Variants in RABGAP1L observed in about 807,000 individuals in gnomAD.
RABGAP1L encodes rab GTPase-activating protein 1-like.
RABGAP1L carries 63 observed loss-of-function variants against 137.7 expected under a neutral mutation model. The observed-to-expected ratio is 0.46, with a 90% confidence interval of 0.37 to 0.56. The LOEUF (loss-of-function observed/expected upper bound fraction) is 0.56, where lower values mean the gene tolerates loss of function less well. Among genes scored for constraint, RABGAP1L ranks in the 20% least tolerant of loss-of-function variants. The pLI is 0.00. For missense variants in RABGAP1L, 1,095 were observed against 1,244.0 expected (o/e 0.88, Z 1.80); for synonymous variants, 431 against 433.7 (o/e 0.99, Z 0.08).
chr1:174,268,116 A>C (rs1247867340), intron 7 of RABGAP1L, among the ~76,000 whole-genome samples: 1 of 152,166 alleles, frequency 6.6e-6, no homozygotes, highest in African/African-American at 2.4e-5. Context: ...AGTGTTTTGC[A>C]TAAAGTTTTG....
chr1:174,730,206 A>C (rs1474150041), intron 17 of RABGAP1L, among the ~76,000 whole-genome samples: 1 of 152,210 alleles, frequency 6.6e-6, no homozygotes, highest in Non-Finnish European at 1.5e-5. Flanking sequence ...ACGAGAACAG[A>C]AAGCCCAATG....
At position 174,991,357 on chromosome 1, in the gene RABGAP1L, A is replaced by G. The variant is rs1385178733; in HGVS notation, c.*1356A>G. 2.0e-5 allele frequency: 3 copies of G among 152,236 alleles called. No homozygotes were observed. Among genetic ancestry groups the G allele is most frequent in the Non-Finnish European group, 4.4e-5 (3 of 68,040 alleles). The allele number at this position is 152,236 out of a possible 1,614,324, so 9.4% of individuals were successfully genotyped here. A position where few individuals can be genotyped will look rare whatever the true frequency, so the allele number is the denominator to read the frequency against. Reference sequence around the variant, plus strand: ...TTTGTTGATATTAATCATTGGCCTCATTGTTGAACATATTATTTGCAAAGA... The same window carrying G: ...TTTGTTGATATTAATCATTGGCCTCGTTGTTGAACATATTATTTGCAAAGA... On this transcript the variant is annotated 3_prime_UTR_variant, in exon 26 of 26. Transcript: ENST00000681986.
Position 174,634,959 on chromosome 1 carries a change from A to G in RABGAP1L, c.1711-2416A>G, listed in dbSNP as rs529955570. 2.0e-5 allele frequency among the ~76,000 whole-genome samples: 3 copies of G among 149,472 alleles called. No individual in the cohort carries two copies. The East Asian group carries it at 5.9e-4, about 29-fold the overall frequency. ...GATGACGAGTTAGTGGGTGCAGCGC[A>G]CCAGCATGGCACATGTATACATATG... On this transcript the variant is annotated intron_variant, in intron 13 of 25. Transcript: ENST00000681986.
intron 17 of RABGAP1L, among the ~76,000 whole-genome samples, chr1:174,731,215 AC>A (rs1268607770): frequency 1.3e-5 from 2 of 151,930 alleles, no homozygotes; most frequent in Non-Finnish European, 2.9e-5. Context: ...CAAGAGATCT[AC>A]CCGCCTCGGC....
intron 12 of RABGAP1L, among the ~76,000 whole-genome samples, chr1:174,392,022 T>C (rs1001160267): frequency 6.6e-6 from 1 of 152,216 alleles, no homozygotes; most frequent in African/African-American, 2.4e-5. Context: ...TCAAATAGTT[T>C]ATTCAGGTGG....
chr1:174,420,723 G>A (rs1257895915), intron 13 of RABGAP1L, among the ~76,000 whole-genome samples: 2 of 145,694 alleles, frequency 1.4e-5, no homozygotes, highest in Non-Finnish European at 3.0e-5. Context: ...CACCCAGGCT[G>A]GAGTGCAGTG....
At chr1:174,800,601 C>T (rs972755789) in intron 18 of RABGAP1L, 2 of 1,459,172 alleles carry the variant, frequency 1.4e-6, no homozygotes, top group African/African-American at 1.4e-5. Context: ...TGGTTTTCTT[C>T]TCCTTCTCCC....
At chr1:174,670,023 A>G (rs934512849) in intron 14 of RABGAP1L, among the ~76,000 whole-genome samples, 1 of 152,034 alleles carries the variant, frequency 6.6e-6, no homozygotes, top group African/African-American at 2.4e-5. Flanking sequence ...AAATAATGTC[A>G]TTGGTATTTT....
intron 1 of RABGAP1L, among the ~76,000 whole-genome samples, chr1:174,183,712 T>G (rs939401552): frequency 1.3e-5 from 2 of 152,158 alleles, no homozygotes; most frequent in Admixed American, 6.6e-5. Flanking sequence ...TGTCCACCAT[T>G]ATTAGTATCA....
chr1:174,789,695 G>A lies in RABGAP1L; in HGVS notation c.2212-22137G>A, dbSNP rs541646055. 3.3e-4 allele frequency among the ~76,000 whole-genome samples: 50 copies of A among 152,296 alleles called. No individual in the cohort carries two copies. In the South Asian group the frequency reaches 9.5e-3, roughly 29 times the overall value. On this transcript the variant is annotated intron_variant, in intron 18 of 25. Coordinates refer to ENST00000681986, the MANE Select transcript of RABGAP1L (RefSeq NM_001366446.1). ...TCTGTAAATGTGTCAAGGGGTCACT[G>A]TGGTTGACTCTTGGTTGCTAAAGGA...
rs756686891 is a variant in RABGAP1L, at chr1:174,448,759, C to T, written c.1710+54614C>T. 4 of 1,613,746 alleles carry T rather than the reference C, an allele frequency of 2.5e-6. No individual in the cohort carries two copies. Among genetic ancestry groups the T allele is most frequent in the African/African-American group, 2.7e-5 (2 of 74,894 alleles). ...TTTGTTTACTTTATGCTCCTGCTGC[C>T]TTTGTTGTCTGCTTCACTTACTTCC... On this transcript the variant is annotated intron_variant, in intron 13 of 25. Coordinates refer to ENST00000681986, the MANE Select transcript of RABGAP1L (RefSeq NM_001366446.1). The surrounding 1 kb of genome is among the most constrained non-coding windows in gnomAD (Gnocchi z 4.2).
intron 12 of RABGAP1L, among the ~76,000 whole-genome samples, chr1:174,383,569 C>G (rs1259275849): frequency 6.6e-6 from 1 of 152,194 alleles, no homozygotes; most frequent in Non-Finnish European, 1.5e-5. Flanking sequence ...GCGTCCGTCA[C>G]CGCTTTCTTT....
chr1:174,713,160 T>G (rs1195166276), intron 17 of RABGAP1L, among the ~76,000 whole-genome samples: 1 of 152,206 alleles, frequency 6.6e-6, no homozygotes, highest in Non-Finnish European at 1.5e-5. Context: ...CTTCTAGAAG[T>G]AAAACAATGT....
Position 174,228,101 on chromosome 1 carries a change from C to A in RABGAP1L, c.332-3044C>A, listed in dbSNP as rs180978929. 1.1e-4 allele frequency among the ~76,000 whole-genome samples: 16 copies of A among 151,906 alleles called. No individual in the cohort carries two copies. The East Asian group carries it at 2.9e-3, about 28-fold the overall frequency. Reference sequence around the variant, plus strand: ...TCTTTTGGTTCTTTTTTATGTCTTTCATTTTTCTTCTTATTTTGTTAGATG... The same window carrying A: ...TCTTTTGGTTCTTTTTTATGTCTTTAATTTTTCTTCTTATTTTGTTAGATG... On this transcript the variant is annotated intron_variant, in intron 3 of 25. Coordinates refer to ENST00000681986, the MANE Select transcript of RABGAP1L (RefSeq NM_001366446.1).
At chr1:174,516,241 G>A (rs1662835561) in intron 13 of RABGAP1L, among the ~76,000 whole-genome samples, 1 of 151,384 alleles carries the variant, frequency 6.6e-6, no homozygotes, top group South Asian at 2.1e-4. Context: ...CTGCGGCCTC[G>A]ACCTCCTGGG....
At chr1:174,526,585 T>C (rs968243029) in intron 13 of RABGAP1L, among the ~76,000 whole-genome samples, 10 of 152,162 alleles carry the variant, frequency 6.6e-5, no homozygotes, top group African/African-American at 2.4e-4. Context: ...TCTAGGAATT[T>C]ATCCATTTTC....
chr1:174,483,470 A>G (rs1659324688), intron 13 of RABGAP1L, among the ~76,000 whole-genome samples: 1 of 152,260 alleles, frequency 6.6e-6, no homozygotes, highest in Non-Finnish European at 1.5e-5. Flanking sequence ...ACAGTATCTC[A>G]TTATTTTTTA....
At chr1:174,973,747 A>T (rs916814295) in intron 21 of RABGAP1L, among the ~76,000 whole-genome samples, 5 of 152,098 alleles carry the variant, frequency 3.3e-5, no homozygotes, top group Admixed American at 2.6e-4. Context: ...CAAGAGACCA[A>T]ACTGAAAAAA....
intron 11 of RABGAP1L, among the ~76,000 whole-genome samples, chr1:174,315,678 T>G (rs1679313209): frequency 6.6e-6 from 1 of 151,976 alleles, no homozygotes; most frequent in Non-Finnish European, 1.5e-5. Flanking sequence ...GTAGGATCTT[T>G]TCTTTATCCT....
Sources: allele counts gnomAD v4.1 joint callset (sites outside exome capture counted in the v4.1 genomes callset), GRCh38; gene constraint gnomAD v4.1.1; non-coding constraint Gnocchi (gnomAD v3.1); transcripts MANE v1.5; gene names NCBI Gene and HGNC (gene_info 2026-07-23, HGNC 2026-07-21).